Variants in SGCZ observed in about 807,000 individuals in gnomAD.
SGCZ encodes the protein sarcoglycan zeta, also known as zeta-sarcoglycan.
Under a neutral mutation model 41.3 loss-of-function variants are expected in SGCZ, and 40 were observed. The observed-to-expected ratio is 0.97, with a 90% CI of 0.75 to 1.26. The LOEUF (loss-of-function observed/expected upper bound fraction) is 1.26. Ranked by LOEUF, SGCZ falls within the 50% of genes most tolerant of loss-of-function variation. SGCZ has a pLI of 0.00. For missense variants in SGCZ, 552 were observed against 369.8 expected (o/e 1.49, Z -4.04); for synonymous variants, 206 against 137.5 (o/e 1.50, Z -3.49).
chr8:14,500,556 C>A (rs1219881768), intron 2 of SGCZ, among the ~76,000 whole-genome samples: 1 of 151,704 alleles, frequency 6.6e-6, no homozygotes, highest in Non-Finnish European at 1.5e-5. Context: ...CAAAAAAAGT[C>A]AACCGTGAGT....
intron 1 of SGCZ, among the ~76,000 whole-genome samples, chr8:15,205,961 TA>T (rs1234491444): frequency 1.3e-5 from 2 of 152,196 alleles, no homozygotes; most frequent in African/African-American, 4.8e-5. Flanking sequence ...TGGAGGCTAC[TA>T]TCCTCAGCAA....
chr8:14,198,579 C>T (rs1241599787), intron 4 of SGCZ, among the ~76,000 whole-genome samples: 2 of 139,300 alleles, frequency 1.4e-5, no homozygotes, highest in African/African-American at 5.6e-5. Context: ...ACATGTACAC[C>T]AGAATCTAAA....
At chr8:14,684,555 A>C (rs180887049) in intron 1 of SGCZ, among the ~76,000 whole-genome samples, 6 of 152,302 alleles carry the variant, frequency 3.9e-5, no homozygotes, top group African/African-American at 1.4e-4. Context: ...TCATACTGTA[A>C]ACATGTTGTA....
intron 5 of SGCZ, among the ~76,000 whole-genome samples, chr8:14,160,397 T>C (rs887081672): frequency 1.3e-5 from 2 of 152,204 alleles, no homozygotes; most frequent in African/African-American, 2.4e-5. Flanking sequence ...TAAAGGTTTA[T>C]TCCTTTTTTT....
chr8:14,952,510 C>T (rs972647766), intron 1 of SGCZ, among the ~76,000 whole-genome samples: 2 of 152,062 alleles, frequency 1.3e-5, no homozygotes, highest in African/African-American at 4.8e-5. Context: ...ATTGAGTTAA[C>T]CTTTGTTCGA....
intron 2 of SGCZ, among the ~76,000 whole-genome samples, chr8:14,475,852 T>C (rs990133293): frequency 6.6e-6 from 1 of 152,180 alleles, no homozygotes; most frequent in Non-Finnish European, 1.5e-5. Flanking sequence ...TATTTTTTAC[T>C]TAAGACAGGG....
chr8:14,434,564 G>T (rs1800034325), intron 2 of SGCZ, among the ~76,000 whole-genome samples: 1 of 152,106 alleles, frequency 6.6e-6, no homozygotes, highest in South Asian at 2.1e-4. Flanking sequence ...TGGCAGTGTG[G>T]TCATTTTCAC....
At chr8:14,670,320 C>A (rs200580983) in intron 1 of SGCZ, among the ~76,000 whole-genome samples, 1 of 148,088 alleles carries the variant, frequency 6.8e-6, no homozygotes, top group African/African-American at 2.5e-5. Context: ...TATTCCCCCC[C>A]AAATCAGAGT....
At chr8:14,217,080 G>A (rs926711752) in intron 4 of SGCZ, among the ~76,000 whole-genome samples, 5 of 152,086 alleles carry the variant, frequency 3.3e-5, no homozygotes, top group African/African-American at 1.2e-4. Flanking sequence ...GAGGTCAGGG[G>A]ATAGAGACCA....
At chr8:14,911,477 T>C (rs531397146) in intron 1 of SGCZ, among the ~76,000 whole-genome samples, 1 of 152,050 alleles carries the variant, frequency 6.6e-6, no homozygotes, top group Non-Finnish European at 1.5e-5. Flanking sequence ...ATATATAGCT[T>C]CGTGTCAGCC....
At chr8:14,933,544 GC>G (rs1438752432) in intron 1 of SGCZ, among the ~76,000 whole-genome samples, 16 of 147,042 alleles carry the variant, frequency 1.1e-4, no homozygotes, top group Admixed American at 7.7e-4. Flanking sequence ...CCATTCTCCT[GC>G]CTCAGCCTCC....
chr8:14,936,095 T>C (rs1800072467), intron 1 of SGCZ, among the ~76,000 whole-genome samples: 1 of 151,904 alleles, frequency 6.6e-6, no homozygotes. Flanking sequence ...TAAAGAAAAG[T>C]GGACAAATTC....
intron 1 of SGCZ, among the ~76,000 whole-genome samples, chr8:14,809,959 T>C (rs995264915): frequency 6.6e-6 from 1 of 152,130 alleles, no homozygotes; most frequent in South Asian, 2.1e-4. Flanking sequence ...AACTATATGG[T>C]TTTTCCTTAT....
chr8:14,982,952 T>C (rs1266025660), intron 1 of SGCZ, among the ~76,000 whole-genome samples: 2 of 152,208 alleles, frequency 1.3e-5, no homozygotes, highest in South Asian at 2.1e-4. Context: ...ACAGAGGAAG[T>C]AGTTGGAATC....
chr8:14,800,478 C>T (rs1308855310), intron 1 of SGCZ, among the ~76,000 whole-genome samples: 2 of 152,166 alleles, frequency 1.3e-5, no homozygotes, highest in Non-Finnish European at 2.9e-5. Context: ...GGTTTGGCTG[C>T]ATATCCACCC....
At chr8:14,133,414 G>A (rs947569495) in intron 5 of SGCZ, among the ~76,000 whole-genome samples, 1 of 152,116 alleles carries the variant, frequency 6.6e-6, no homozygotes, top group Non-Finnish European at 1.5e-5. Context: ...TATGGCTAGA[G>A]TTCTGAGACA....
intron 1 of SGCZ, among the ~76,000 whole-genome samples, chr8:14,800,717 G>C (rs549559827): frequency 6.6e-6 from 1 of 152,158 alleles, no homozygotes; most frequent in South Asian, 2.1e-4. Flanking sequence ...AGTTTCCTGA[G>C]GCCTCCCCAG....
intron 1 of SGCZ, among the ~76,000 whole-genome samples, chr8:14,838,874 C>G (rs991149511): frequency 2.0e-5 from 3 of 152,088 alleles, no homozygotes; most frequent in African/African-American, 7.2e-5. Flanking sequence ...AGAGAGTCAG[C>G]ATAGCGGGAA....
At chr8:14,458,725 AATCT>A (rs373437327) in intron 2 of SGCZ, among the ~76,000 whole-genome samples, 1 of 152,076 alleles carries the variant, frequency 6.6e-6, no homozygotes, top group African/African-American at 2.4e-5. Flanking sequence ...ACCTACCTAT[AATCT>A]ATCTATTTCC....
Sources: gnomAD v4.1 joint callset for allele counts (sites outside exome capture counted in the v4.1 genomes callset) on GRCh38, gnomAD v4.1.1 for gene constraint, MANE v1.5 for transcripts, NCBI Gene and HGNC (gene_info 2026-07-23, HGNC 2026-07-21) for gene names.